Variants in CAMK2G observed in about 807,000 individuals in gnomAD.
CAMK2G encodes calcium/calmodulin dependent protein kinase II gamma.
In CAMK2G, 23 loss-of-function variants were observed where a neutral mutation model predicts 88.7. The observed-to-expected ratio is 0.26, with a 90% CI of 0.19 to 0.37. CAMK2G has a LOEUF of 0.37. Among genes scored for constraint, CAMK2G ranks in the 10% least tolerant of loss-of-function variants. The probability of loss-of-function intolerance (pLI) is 1.00; values close to 1 mark genes in which losing one functional copy is unlikely to be tolerated. For missense variants in CAMK2G, 476 were observed against 780.8 expected (o/e 0.61, Z 4.65); for synonymous variants, 263 against 294.8 (o/e 0.89, Z 1.11).
At chr10:73,847,406 C>A in intron 9 of CAMK2G, 59 bp from the exon 10 acceptor site, 1 of 1,578,422 alleles carries the variant, frequency 6.3e-7, no homozygotes, top group South Asian at 1.1e-5. Flanking sequence ...CCCTGCAACA[C>A]TGGTTCTGTC....
intron 15 of CAMK2G, 73 bp downstream of exon 15, chr10:73,828,016 G>A (rs866679888): frequency 2.5e-6 from 3 of 1,209,552 alleles, no homozygotes; most frequent in African/African-American, 3.0e-5. Flanking sequence ...GCACGTGGCA[G>A]AACAGGTTTG....
rs1181885805 is a variant in CAMK2G at position 73,874,312 on chromosome 10, C to T, written c.65+85G>A. On this transcript the variant is annotated intron_variant, in intron 1 of 22. Transcript: ENST00000423381. ...GCGGCCGAGGGGGAGCCGCAGCGGC[C>T]GGTGCAGGGCCGGGGGGCGGGGCGA... 8.4e-5 allele frequency: 60 copies of T among 711,250 alleles called. No individual in the cohort carries two copies. In the African/African-American group the frequency reaches 1.0e-3, roughly 12 times the overall value. 44.1% of individuals were successfully genotyped at this position (711,250 alleles called of 1,614,324 possible). A position where few individuals can be genotyped will look rare whatever the true frequency, so the allele number is the denominator to read the frequency against.
chr10:73,863,919 C>A (rs1050978984), intron 2 of CAMK2G, among the ~76,000 whole-genome samples: 5 of 152,218 alleles, frequency 3.3e-5, no homozygotes, highest in African/African-American at 1.2e-4. Flanking sequence ...GATCCTCATT[C>A]TGATTCTAAG....
chr10:73,843,076 T>C (rs1444287099), intron 10 of CAMK2G, among the ~76,000 whole-genome samples: 1 of 62,682 alleles, frequency 1.6e-5, no homozygotes, highest in Non-Finnish European at 2.7e-5. Context: ...CTGGATGTAA[T>C]TTTTTTTTTT....
intron 2 of CAMK2G, among the ~76,000 whole-genome samples, chr10:73,861,578 A>C (rs1226675311): frequency 6.6e-6 from 1 of 151,884 alleles, no homozygotes; most frequent in African/African-American, 2.4e-5. Context: ...TTGGTCTCGA[A>C]CTCCTGACCT....
chr10:73,817,302 A>G (rs780509048), intron 20 of CAMK2G, among the ~76,000 whole-genome samples, 177 bp downstream of exon 20: 2 of 152,150 alleles, frequency 1.3e-5, no homozygotes, highest in African/African-American at 2.4e-5. Flanking sequence ...CTGCCAGGAT[A>G]CCATGGGTGA....
intron 15 of CAMK2G, 131 bp from the exon 16 acceptor site, chr10:73,825,478 G>A (rs2090609411): frequency 1.4e-6 from 1 of 697,900 alleles, no homozygotes; most frequent in Non-Finnish European, 2.6e-6. Context: ...ATAACGCTGT[G>A]TAGATGGGAG....
intron 14 of CAMK2G, among the ~76,000 whole-genome samples, chr10:73,832,171 C>T (rs972007586): frequency 1.9e-4 from 29 of 152,084 alleles, no homozygotes; most frequent in African/African-American, 7.0e-4. Context: ...TTCTCAAATT[C>T]CCATCACCTG....
chr10:73,819,304 A>G (rs2086891376), intron 19 of CAMK2G, among the ~76,000 whole-genome samples: 1 of 151,900 alleles, frequency 6.6e-6, no homozygotes, highest in South Asian at 2.1e-4. Flanking sequence ...ATCCCAGGCC[A>G]TGTTTTTCCA....
chr10:73,833,627 G>A (rs2092808762), intron 14 of CAMK2G, among the ~76,000 whole-genome samples: 2 of 137,244 alleles, frequency 1.5e-5, no homozygotes, highest in South Asian at 2.3e-4. Flanking sequence ...ACAGAGTCTT[G>A]CTCTGTCCCC....
intron 2 of CAMK2G, among the ~76,000 whole-genome samples, chr10:73,870,387 C>T (rs1386347412): frequency 1.3e-5 from 2 of 152,170 alleles, no homozygotes; most frequent in African/African-American, 4.8e-5. Flanking sequence ...AACGCATATC[C>T]GCATGAACTC....
At chr10:73,830,065 T>C (rs1565252840) in intron 14 of CAMK2G, among the ~76,000 whole-genome samples, 1 of 152,218 alleles carries the variant, frequency 6.6e-6, no homozygotes, top group East Asian at 1.9e-4. Flanking sequence ...TTTTGACTAA[T>C]GGGGAATAAG....
intron 14 of CAMK2G, among the ~76,000 whole-genome samples, chr10:73,834,526 G>A (rs1010544890): frequency 6.6e-6 from 1 of 152,182 alleles, no homozygotes; most frequent in African/African-American, 2.4e-5. Context: ...TCCTGGAAGA[G>A]CTGCAGCTGC....
At chr10:73,870,377 A>C (rs1323742550) in intron 2 of CAMK2G, among the ~76,000 whole-genome samples, 2 of 152,202 alleles carry the variant, frequency 1.3e-5, no homozygotes, top group African/African-American at 2.4e-5. Context: ...GACAGTGCTC[A>C]ACGCATATCC....
intron 2 of CAMK2G, among the ~76,000 whole-genome samples, chr10:73,871,684 C>T (rs1014057422): frequency 6.6e-6 from 1 of 151,952 alleles, no homozygotes. Flanking sequence ...CATCCTCAGA[C>T]TCAAGGTACC....
chr10:73,827,807 C>A (rs1303247227), intron 15 of CAMK2G, among the ~76,000 whole-genome samples: 1 of 152,176 alleles, frequency 6.6e-6, no homozygotes, highest in Non-Finnish European at 1.5e-5. Context: ...CCTTGCTTGC[C>A]CCAAGTCCCT....
chr10:73,870,327 T>A (rs1375927662), intron 2 of CAMK2G, among the ~76,000 whole-genome samples: 1 of 152,206 alleles, frequency 6.6e-6, no homozygotes, highest in Non-Finnish European at 1.5e-5. Context: ...TGACGTTATG[T>A]GACTTTCAGT....
Position 73,825,274 on chromosome 10 carries a change from G to A in CAMK2G, c.1155+5C>T. ...AGAGGCGGAGAAGCTGTAGTCAGGA[G>A]GTACCATGGCCGTCTGCAAGGGCGC... On this transcript the variant is annotated splice_donor_5th_base_variant and intron_variant, in intron 16 of 22. Transcript: ENST00000423381. 6.2e-7 allele frequency: 1 copy of A among 1,607,650 alleles called. No homozygotes were observed. The highest frequency in any genetic ancestry group is 1.3e-5 in the African/African-American group (1 of 74,946).
intron 14 of CAMK2G, among the ~76,000 whole-genome samples, chr10:73,829,169 G>A (rs1296518110): frequency 1.3e-5 from 2 of 152,046 alleles, no homozygotes; most frequent in African/African-American, 2.4e-5. Flanking sequence ...TATAATCAAC[G>A]AAAGAGGCTA....
Sources: allele counts gnomAD v4.1 joint callset (sites outside exome capture counted in the v4.1 genomes callset), GRCh38; gene constraint gnomAD v4.1.1; transcripts MANE v1.5; gene names NCBI Gene and HGNC (gene_info 2026-07-23, HGNC 2026-07-21).